The following IGSF11 variants were observed in gnomAD, a reference collection of about 807,000 sequenced individuals.
IGSF11 encodes immunoglobulin superfamily member 11, also known as CXADR like 1.
In IGSF11, 22 loss-of-function variants were observed where a neutral mutation model predicts 41.0. The ratio of observed to expected loss-of-function variants is 0.54; its 90% CI spans 0.38 to 0.77. The LOEUF (loss-of-function observed/expected upper bound fraction) is 0.77. Among genes scored for constraint, IGSF11 ranks in the 30% least tolerant of loss-of-function variants. The probability of loss-of-function intolerance (pLI) is 0.00; values close to 1 mark genes in which losing one functional copy is unlikely to be tolerated. For synonymous variants in IGSF11, 219 were observed against 201.3 expected (o/e 1.09, Z -0.74); for missense variants, 444 against 530.8 (o/e 0.84, Z 1.61).
intron 1 of IGSF11, among the ~76,000 whole-genome samples, chr3:119,136,683 A>G (rs967198596): frequency 2.0e-5 from 3 of 152,170 alleles, no homozygotes; most frequent in Non-Finnish European, 4.4e-5. Context: ...ATTAGAGGTA[A>G]AGAAGGAAAT....
intron 1 of IGSF11, among the ~76,000 whole-genome samples, chr3:119,125,883 G>A (rs1193935697): frequency 6.6e-6 from 1 of 152,188 alleles, no homozygotes; most frequent in Admixed American, 6.5e-5. Context: ...CCCAGCTGGG[G>A]AAACCGTGCA....
intron 1 of IGSF11, among the ~76,000 whole-genome samples, chr3:119,129,991 A>T (rs901330491): frequency 6.6e-6 from 1 of 152,172 alleles, no homozygotes; most frequent in African/African-American, 2.4e-5. Context: ...TCTTAAAAAA[A>T]ATTTTTTTTA....
intron 1 of IGSF11, among the ~76,000 whole-genome samples, chr3:119,061,912 G>A (rs1033133753): frequency 2.0e-5 from 3 of 151,952 alleles, no homozygotes; most frequent in Non-Finnish European, 2.9e-5. Flanking sequence ...AGGTAAATGC[G>A]AAATAGAGCT....
intron 5 of IGSF11, among the ~76,000 whole-genome samples, chr3:118,905,139 C>T (rs1422800609): frequency 6.6e-5 from 10 of 152,128 alleles, no homozygotes; most frequent in Admixed American, 5.2e-4. Flanking sequence ...GGATATCCTT[C>T]TACCTCAACC....
intron 1 of IGSF11, among the ~76,000 whole-genome samples, chr3:118,943,888 T>C (rs764829316): frequency 6.6e-6 from 1 of 152,240 alleles, no homozygotes; most frequent in Non-Finnish European, 1.5e-5. Flanking sequence ...GCAAGCTCCA[T>C]TTGTTTAATG....
intron 1 of IGSF11, among the ~76,000 whole-genome samples, chr3:118,981,513 G>A (rs892420340): frequency 2.8e-5 from 4 of 144,932 alleles, no homozygotes; most frequent in African/African-American, 9.8e-5. Context: ...TCAGAAGGAA[G>A]GGTAAGTCAT....
At chr3:119,072,539 T>C (rs1044244954) in intron 1 of IGSF11, among the ~76,000 whole-genome samples, 5 of 152,210 alleles carry the variant, frequency 3.3e-5, no homozygotes, top group Admixed American at 6.5e-5. Flanking sequence ...TGTTCGGACG[T>C]GTTCAGACTT....
upstream of IGSF11, chr3:119,105,308 C>A: frequency 1.5e-6 from 1 of 652,080 alleles, no homozygotes; most frequent in Non-Finnish European, 2.6e-6. Flanking sequence ...GGAAAACCTT[C>A]TTGGGTACAG....
At chr3:119,121,523 GAAGA>G (rs2077333077) in intron 1 of IGSF11, among the ~76,000 whole-genome samples, 1 of 152,008 alleles carries the variant, frequency 6.6e-6, no homozygotes, top group Non-Finnish European at 1.5e-5. Context: ...AGTCTGAGGA[GAAGA>G]AAGAAAAGAG....
At chr3:119,113,775 TC>T (rs1339022449) in intron 1 of IGSF11, among the ~76,000 whole-genome samples, 2 of 152,268 alleles carry the variant, frequency 1.3e-5, no homozygotes, top group Non-Finnish European at 2.9e-5. Flanking sequence ...ACCCCACATT[TC>T]CCCTCTGCAC....
intron 1 of IGSF11, among the ~76,000 whole-genome samples, chr3:119,005,059 G>T (rs921505007): frequency 3.4e-5 from 5 of 148,446 alleles, no homozygotes; most frequent in African/African-American, 1.0e-4. Context: ...TGTTGACAGT[G>T]GGGTGTTAAA....
At chr3:119,142,004 G>A (rs1029473670) in intron 1 of IGSF11, among the ~76,000 whole-genome samples, 1 of 152,018 alleles carries the variant, frequency 6.6e-6, no homozygotes, top group African/African-American at 2.4e-5. Flanking sequence ...GGCCGGGCGC[G>A]GTGGCTCACG....
chr3:119,096,256 T>C (rs2076848696), intron 1 of IGSF11, among the ~76,000 whole-genome samples: 1 of 151,970 alleles, frequency 6.6e-6, no homozygotes, highest in Non-Finnish European at 1.5e-5. Flanking sequence ...GGTCTACCCC[T>C]TATGGCCCAG....
chr3:118,916,645 A>C (rs1445733438), intron 4 of IGSF11, among the ~76,000 whole-genome samples: 12 of 151,656 alleles, frequency 7.9e-5, no homozygotes, highest in East Asian at 5.8e-4. Flanking sequence ...TAGACTCCCA[A>C]ACATTAATAA....
chr3:119,053,518 G>T (rs1281012756), intron 1 of IGSF11, among the ~76,000 whole-genome samples: 1 of 152,118 alleles, frequency 6.6e-6, no homozygotes, highest in Non-Finnish European at 1.5e-5. Flanking sequence ...AATTATAGGT[G>T]ACACAAACAA....
intron 1 of IGSF11, among the ~76,000 whole-genome samples, chr3:119,042,621 C>T (rs184084194): frequency 8.3e-4 from 127 of 152,234 alleles, no homozygotes; most frequent in Non-Finnish European, 1.6e-3. Flanking sequence ...CAAGCCCCGT[C>T]CAAGAAAAGC....
chr3:119,062,785 T>C (rs962051781), intron 1 of IGSF11, among the ~76,000 whole-genome samples: 31 of 152,132 alleles, frequency 2.0e-4, no homozygotes, highest in Non-Finnish European at 1.8e-4. Flanking sequence ...TTTCATCAGC[T>C]TGATGCAAGA....
intron 6 of IGSF11, among the ~76,000 whole-genome samples, chr3:118,903,745 A>G (rs1164178056): frequency 6.6e-6 from 1 of 152,192 alleles, no homozygotes; most frequent in Admixed American, 6.5e-5. Context: ...CACAAATCCT[A>G]CACCTAAGAA....
chr3:119,132,373 G>T (rs1467647615), intron 1 of IGSF11, among the ~76,000 whole-genome samples: 1 of 10,286 alleles, frequency 9.7e-5, no homozygotes, highest in South Asian at 3.2e-3. Context: ...CAAGCAAACA[G>T]AAAGCAAAAA....
Sources: gnomAD v4.1 joint callset for allele counts (sites outside exome capture counted in the v4.1 genomes callset) on GRCh38, gnomAD v4.1.1 for gene constraint, MANE v1.5 for transcripts, NCBI Gene and HGNC (gene_info 2026-07-23, HGNC 2026-07-21) for gene names.